Variants in ZDHHC2 observed in about 807,000 individuals in gnomAD.
The protein encoded by ZDHHC2 is zDHHC palmitoyltransferase 2.
Under a neutral mutation model 55.6 loss-of-function variants are expected in ZDHHC2, and 51 were observed. The observed-to-expected ratio is 0.92, with a 90% CI of 0.73 to 1.16. The LOEUF (loss-of-function observed/expected upper bound fraction) is 1.16, where lower values mean the gene tolerates loss of function less well. Among genes scored for constraint, ZDHHC2 ranks in the 50% most tolerant of loss-of-function variants. ZDHHC2 has a pLI of 0.00. For missense variants in ZDHHC2, 491 were observed against 442.4 expected (o/e 1.11, Z -0.99); for synonymous variants, 199 against 152.9 (o/e 1.30, Z -2.22).
intron 1 of ZDHHC2, among the ~76,000 whole-genome samples, chr8:17,179,268 C>A (rs1217169965): frequency 6.6e-6 from 1 of 152,072 alleles, no homozygotes; most frequent in East Asian, 1.9e-4. Flanking sequence ...GTCTTTCTTA[C>A]GGGAATGATC....
At chr8:17,196,446 T>G (rs904940450) in intron 4 of ZDHHC2, among the ~76,000 whole-genome samples, 1 of 152,030 alleles carries the variant, frequency 6.6e-6, no homozygotes, top group Non-Finnish European at 1.5e-5. Flanking sequence ...TCCCAGCAAC[T>G]CGGGAGCCTG....
Position 17,222,925 on chromosome 8 carries a change from A to T in ZDHHC2, c.*2704A>T, listed in dbSNP as rs1402921029. 6.6e-6 allele frequency: 1 copy of T among 151,922 alleles called. No homozygotes were observed. The highest frequency in any genetic ancestry group is 2.4e-5 in the African/African-American group (1 of 41,434). 9.4% of individuals were successfully genotyped at this position (151,922 alleles called of 1,614,324 possible). A position where few individuals can be genotyped will look rare whatever the true frequency, so the allele number is the denominator to read the frequency against. On this transcript the variant is annotated 3_prime_UTR_variant, in exon 13 of 13. Coordinates refer to ENST00000262096, the MANE Select transcript of ZDHHC2 (RefSeq NM_016353.5). The stretch of plus-strand genomic sequence containing the variant: ...ACTTTGTAGTAGTTAAGTGATTCTG[A>T]GGACAATTAGAAACAGACTATAAAA...
intron 3 of ZDHHC2, among the ~76,000 whole-genome samples, chr8:17,190,326 A>AT (rs1231564747): frequency 1.3e-5 from 2 of 152,082 alleles, no homozygotes; most frequent in Non-Finnish European, 2.9e-5. Context: ...ATCTCACGTA[A>AT]TTTTTTACGG....
rs1405711578 is a variant in ZDHHC2 at position 17,210,396 on chromosome 8, A to G, written c.866A>G (p.Asp289Gly). 1 of 1,613,064 alleles carries G rather than the reference A, an allele frequency of 6.2e-7. No individual in the cohort carries two copies. Among genetic ancestry groups the G allele is most frequent in the East Asian group, 2.2e-5 (1 of 44,844 alleles). Reference sequence around the variant, plus strand: ...TTTTATTTTAATTCTAGTCTAGGTGATGGCTGCTCCTTTCCAACTTGCCTT... The same window carrying G: ...TTTTATTTTAATTCTAGTCTAGGTGGTGGCTGCTCCTTTCCAACTTGCCTT... ...WLLPIFSSLG[D>G]GCSFPTCLVN... The change falls in exon 10 of 13, where the codon GAT (aspartate) becomes GGT (glycine). Residue 289 changes from aspartate to glycine, a missense_variant. By Grantham distance (94) the Asp-to-Gly change is moderately conservative (BLOSUM62 -1). Coordinates refer to ENST00000262096, the MANE Select transcript of ZDHHC2 (RefSeq NM_016353.5).
At chr8:17,191,390 C>T (rs1473867750) in intron 3 of ZDHHC2, among the ~76,000 whole-genome samples, 3 of 152,214 alleles carry the variant, frequency 2.0e-5, no homozygotes, top group African/African-American at 7.2e-5. Context: ...AGCCACTGCG[C>T]CCAGCCTTAT....
chr8:17,179,006 A>C (rs1039969298), intron 1 of ZDHHC2, among the ~76,000 whole-genome samples: 3 of 152,248 alleles, frequency 2.0e-5, no homozygotes, highest in Non-Finnish European at 4.4e-5. Context: ...GCTTGAATGC[A>C]GTAGCAGGAT....
At chr8:17,194,512 A>G (rs1806203785) in intron 3 of ZDHHC2, among the ~76,000 whole-genome samples, 1 of 151,808 alleles carries the variant, frequency 6.6e-6, no homozygotes. Context: ...CTCAAAACTT[A>G]ACAACTATCC....
At chr8:17,176,108 TAGTG>T (rs1805115283) in intron 1 of ZDHHC2, among the ~76,000 whole-genome samples, 1 of 152,194 alleles carries the variant, frequency 6.6e-6, no homozygotes, top group Admixed American at 6.5e-5. Flanking sequence ...GGAGGGTTCT[TAGTG>T]AGATGATATC....
intron 7 of ZDHHC2, among the ~76,000 whole-genome samples, chr8:17,207,357 C>G (rs1346513786): frequency 2.6e-5 from 4 of 152,118 alleles, no homozygotes; most frequent in African/African-American, 9.7e-5. Context: ...ACTGTTTCAG[C>G]CCATGGATAT....
chr8:17,168,303 A>C (rs1804701572), intron 1 of ZDHHC2, among the ~76,000 whole-genome samples: 1 of 152,152 alleles, frequency 6.6e-6, no homozygotes, highest in South Asian at 2.1e-4. Context: ...CAGCTCAACA[A>C]AGCTTTGTTT....
chr8:17,210,026 G>T lies in ZDHHC2; in HGVS notation c.825G>T (p.Glu275Asp), dbSNP rs1435077423. The T allele has an allele frequency of 2.5e-6, 4 of 1,607,510 alleles. No homozygotes were observed. The highest frequency in any genetic ancestry group is 1.7e-5 in the Admixed American group (1 of 59,172). ...ACATGCGACAAGTTTTTGGTGATGA[G>T]AAGAAGTACTGGTTGCTACCCATTT... ...SKNMRQVFGD[E>D]KKYWLLPIFS... Residue 275 changes from glutamate (E) to aspartate (D), a missense_variant, in exon 9 of 13, where the codon GAG (glutamate) becomes GAT (aspartate). Physicochemically the swap from Glu to Asp is conservative, Grantham distance 45. Transcript: ENST00000262096.
chr8:17,204,709 A>C (rs1367605524), intron 6 of ZDHHC2, among the ~76,000 whole-genome samples: 1 of 152,216 alleles, frequency 6.6e-6, no homozygotes, highest in Non-Finnish European at 1.5e-5. Flanking sequence ...ACTAATGGAT[A>C]CTAGGCTTAA....
chr8:17,199,503 T>TTTG, intron 6 of ZDHHC2, among the ~76,000 whole-genome samples: 1 of 63,248 alleles, frequency 1.6e-5, no homozygotes, highest in East Asian at 3.2e-4. Context: ...CTTCTTCTTC[T>TTTG]TCTTCTTCTT....
At chr8:17,164,715 A>G (rs1254619723) in intron 1 of ZDHHC2, among the ~76,000 whole-genome samples, 1 of 151,926 alleles carries the variant, frequency 6.6e-6, no homozygotes, top group East Asian at 1.9e-4. Context: ...CCTTATAAAA[A>G]TAAGTTCATA....
chr8:17,191,122 C>G (rs531412725), intron 3 of ZDHHC2, among the ~76,000 whole-genome samples: 1 of 151,734 alleles, frequency 6.6e-6, no homozygotes, highest in East Asian at 1.9e-4. Flanking sequence ...CCACCACGCC[C>G]GGCTATTTTT....
intron 1 of ZDHHC2, among the ~76,000 whole-genome samples, chr8:17,184,002 A>C (rs1805570279): frequency 6.6e-6 from 1 of 152,156 alleles, no homozygotes; most frequent in Admixed American, 6.5e-5. Context: ...CCTTTTGAAA[A>C]GCTGAATAAG....
At chr8:17,166,604 G>A (rs1397415241) in intron 1 of ZDHHC2, among the ~76,000 whole-genome samples, 1 of 152,202 alleles carries the variant, frequency 6.6e-6, no homozygotes, top group African/African-American at 2.4e-5. Context: ...ATGTGAGAAT[G>A]TAAATGAGCA....
rs1480481564 is a variant in ZDHHC2, at chr8:17,199,497, T to TTCGTCTTCG, written c.476+1086_476+1087insGTCTTCGTC. On this transcript the variant is annotated intron_variant, in intron 6 of 12. Coordinates refer to ENST00000262096, the MANE Select transcript of ZDHHC2 (RefSeq NM_016353.5). ...CTTCTTCTTCTTCTTCTTCTTCTTC[T>TTCGTCTTCG]TCTTCTTCTTCTTCTTCGTCTTCGT... 6.1e-3 allele frequency among the ~76,000 whole-genome samples: 320 copies of TTCGTCTTCG among 52,582 alleles called. 6 individuals carry two copies. The highest frequency in any genetic ancestry group is 0.012 in the Admixed American group (62 of 5,104). 34.5% of individuals were successfully genotyped at this position (52,582 alleles called of 152,430 possible). A position where few individuals can be genotyped will look rare whatever the true frequency, so the allele number is the denominator to read the frequency against.
At chr8:17,159,054 T>C (rs1804204267) in intron 1 of ZDHHC2, among the ~76,000 whole-genome samples, 1 of 152,230 alleles carries the variant, frequency 6.6e-6, no homozygotes. Flanking sequence ...TGGCAGTTTA[T>C]GAGTGGCAAG....
Sources: allele counts gnomAD v4.1 joint callset (sites outside exome capture counted in the v4.1 genomes callset), GRCh38; gene constraint gnomAD v4.1.1; transcripts MANE v1.5; gene names NCBI Gene and HGNC (gene_info 2026-07-23, HGNC 2026-07-21).